GAB1: variants seen among roughly 807,000 people sequenced by gnomAD.
GAB1 encodes the protein GRB2-associated-binding protein 1.
Under a neutral mutation model 66.5 loss-of-function variants are expected in GAB1, and 19 were observed. That is an observed-to-expected ratio of 0.29 (90% CI 0.20 to 0.42). The LOEUF is 0.42. GAB1 is among the 10% of genes least tolerant of loss of function. The pLI, the probability that GAB1 is intolerant of heterozygous loss-of-function variation, is 1.00. For missense variants in GAB1, 732 were observed against 858.5 expected, an observed-to-expected ratio of 0.85 and a Z score of 1.84; for synonymous variants, 294 against 301.4, an observed-to-expected ratio of 0.98 and a Z score of 0.25.
In GAB1 at chr4:143,440,249, A is replaced by G. The variant is rs764752002; in HGVS notation, c.1452A>G (p.Ser484=). 11 of 1,613,958 alleles carry G rather than the reference A, an allele frequency of 6.8e-6. No individual in the cohort carries two copies. The highest frequency in any genetic ancestry group is 9.3e-6 in the Non-Finnish European group (11 of 1,180,004). Residue 484 remains serine, a synonymous_variant, in exon 6 of 10, where the codon TCA becomes TCG. Coordinates refer to ENST00000262994, the MANE Select transcript of GAB1 (RefSeq NM_002039.4). The stretch of plus-strand genomic sequence containing the variant: ...CTCCAGGAACATTTGATTTTTCCTC[A>G]TTTGGAATGCAAGTTCCTCCTCCTG... The part of the protein sequence containing the change: ...PMTPGTFDFS[S]FGMQVPPPAH...
chr4:143,463,866 C>T (rs1347541921), intron 8 of GAB1, among the ~76,000 whole-genome samples: 2 of 152,132 alleles, frequency 1.3e-5, no homozygotes, highest in Admixed American at 1.3e-4. Flanking sequence ...TAATAACAGA[C>T]ATAAAATAGG....
chr4:143,440,016 C>G (rs1227714594), intron 5 of GAB1, 63 bp from the exon 6 acceptor site: 12 of 1,487,030 alleles, frequency 8.1e-6, no homozygotes, highest in South Asian at 7.1e-5. Context: ...GTGTGACTTA[C>G]AATTGTGTTT....
chr4:143,438,308 G>A lies in GAB1; in HGVS notation c.903G>A (p.Arg301=), dbSNP rs745342056. ...CATCGAGTGTAGAGACTCAAATGAG[G>A]CATGTATCTATTAGTTATGACATTC... ...SGTSSVETQM[R]HVSISYDIPP... Residue 301 remains arginine (R), a synonymous_variant, in exon 4 of 10, where the codon AGG becomes AGA. Coordinates refer to ENST00000262994, the MANE Select transcript of GAB1 (RefSeq NM_002039.4). 9 of 1,613,788 alleles carry A rather than the reference G, an allele frequency of 5.6e-6. No homozygotes were observed. The highest frequency in any genetic ancestry group is 7.6e-6 in the Non-Finnish European group (9 of 1,179,842).
rs1348130281 is a variant in GAB1 at position 143,470,116 on chromosome 4, G to C, written c.*927G>C. 6.6e-6 allele frequency: 1 copy of C among 152,186 alleles called. No homozygotes were observed. The highest frequency in any genetic ancestry group is 1.5e-5 in the Non-Finnish European group (1 of 68,024). The allele number at this position is 152,186 out of a possible 1,614,324, so 9.4% of individuals were successfully genotyped here. ...TTTTCAGTTTGGAATTAATAAAGCA[G>C]TTGACATTCACTGTTAGTTACAGCA... On this transcript the variant is annotated 3_prime_UTR_variant, in exon 10 of 10. Coordinates refer to ENST00000262994, the MANE Select transcript of GAB1 (RefSeq NM_002039.4).
At chr4:143,424,907 A>T in intron 2 of GAB1, 1 of 525,072 alleles carries the variant, frequency 1.9e-6, no homozygotes, top group Non-Finnish European at 3.4e-6. Context: ...GTGAGCCAAG[A>T]TTGTTTCACT....
intron 8 of GAB1, among the ~76,000 whole-genome samples, chr4:143,464,774 C>T (rs1243894269): frequency 6.6e-6 from 1 of 152,190 alleles, no homozygotes; most frequent in African/African-American, 2.4e-5. Flanking sequence ...AGGTTCCATA[C>T]CAGCTATTAG....
intron 1 of GAB1, among the ~76,000 whole-genome samples, chr4:143,366,191 A>AT (rs1334689024): frequency 6.6e-6 from 1 of 152,144 alleles, no homozygotes; most frequent in East Asian, 1.9e-4. Flanking sequence ...TAATTCTGTG[A>AT]TTTTTATGCT....
intron 1 of GAB1, among the ~76,000 whole-genome samples, chr4:143,397,624 A>C (rs1280436878): frequency 6.6e-6 from 1 of 152,212 alleles, no homozygotes; most frequent in Non-Finnish European, 1.5e-5. Context: ...AATATAGTAA[A>C]TTTTAAGAAA....
chr4:143,361,521 TTATTAAGAA>T (rs1729661293), intron 1 of GAB1, among the ~76,000 whole-genome samples: 1 of 152,166 alleles, frequency 6.6e-6, no homozygotes, highest in Non-Finnish European at 1.5e-5. Context: ...TAAAAGGAGT[TTATTAAGAA>T]TATTAGGTAG....
At chr4:143,347,072 G>A (rs1435311784) in intron 1 of GAB1, among the ~76,000 whole-genome samples, 6 of 152,078 alleles carry the variant, frequency 3.9e-5, no homozygotes, top group Non-Finnish European at 8.8e-5. Flanking sequence ...CAGAGAAAAA[G>A]GTATATACAC....
At chr4:143,453,923 G>A (rs998711001) in intron 6 of GAB1, among the ~76,000 whole-genome samples, 1 of 152,138 alleles carries the variant, frequency 6.6e-6, no homozygotes, top group African/African-American at 2.4e-5. Context: ...AGAGTGTCTA[G>A]TACCTAAGAA....
chr4:143,433,454 C>A, intron 2 of GAB1, 37 bp from the exon 3 acceptor site: 1 of 1,489,414 alleles, frequency 6.7e-7, no homozygotes, highest in Non-Finnish European at 9.4e-7. Flanking sequence ...AATTGTTTAA[C>A]TGTGATAGAC....
rs558716152 is a variant in GAB1, at chr4:143,404,229, G to T, written c.73-11248G>T. On this transcript the variant is annotated intron_variant, in intron 1 of 9. Transcript: ENST00000262994. ...GGAATTTAGAATCAGTACATTTTTT[G>T]AAGATAAATTTTCATTGAAAAATTC... Among the ~76,000 whole-genome samples the T allele has an allele frequency of 1.8e-3, 272 of 152,280 alleles. 1 individual carries two copies. Among genetic ancestry groups the T allele is most frequent in the Non-Finnish European group, 3.3e-3 (226 of 67,998 alleles).
intron 6 of GAB1, among the ~76,000 whole-genome samples, chr4:143,449,236 T>C (rs1447648033): frequency 6.6e-6 from 1 of 151,300 alleles, no homozygotes; most frequent in African/African-American, 2.4e-5. Context: ...GGAATAGGTG[T>C]GGTGTGGTGC....
chr4:143,444,883 C>G (rs1466992665), intron 6 of GAB1, among the ~76,000 whole-genome samples: 2 of 152,092 alleles, frequency 1.3e-5, no homozygotes, highest in Non-Finnish European at 2.9e-5. Context: ...GCGTTTATTT[C>G]CTTAGGATAA....
intron 1 of GAB1, among the ~76,000 whole-genome samples, chr4:143,363,154 T>A (rs987950685): frequency 6.6e-6 from 1 of 152,186 alleles, no homozygotes; most frequent in Admixed American, 6.5e-5. Context: ...ATACCAGCAT[T>A]CCTCCTCATA....
intron 1 of GAB1, among the ~76,000 whole-genome samples, chr4:143,401,749 T>G (rs1731784446): frequency 1.3e-5 from 2 of 152,210 alleles, no homozygotes; most frequent in Non-Finnish European, 2.9e-5. Context: ...TTTTAAAAAC[T>G]AGCTACTTAA....
At chr4:143,421,698 C>CTT (rs70953733) in intron 2 of GAB1, among the ~76,000 whole-genome samples, 1,730 of 118,586 alleles carry the variant, frequency 0.015, 49 homozygotes, top group African/African-American at 0.048. Flanking sequence ...CTTTTCTTTT[C>CTT]TTTTTTTTTT....
In GAB1 at chr4:143,460,470, C is replaced by G; in HGVS notation, c.1786C>G (p.Leu596Val). The change falls in exon 8 of 10, where the codon CTG becomes GTG. Residue 596 changes from leucine to valine, a missense_variant. By Grantham distance (32) the Leu-to-Val change is conservative. Transcript: ENST00000262994. ...EENYVPMNPN[L>V]SSEDPNLFGS... ...GAATTATGTTCCCATGAACCCAAAC[C>G]TGTCCAGTGAAGACCCAGTATGTAA... 1 of 1,613,782 alleles carries G rather than the reference C, an allele frequency of 6.2e-7. No homozygotes were observed. The highest frequency in any genetic ancestry group is 8.5e-7 in the Non-Finnish European group (1 of 1,179,754).
Sources: allele counts gnomAD v4.1 joint callset (sites outside exome capture counted in the v4.1 genomes callset), GRCh38; gene constraint gnomAD v4.1.1; transcripts MANE v1.5; gene names NCBI Gene and HGNC (gene_info 2026-07-23, HGNC 2026-07-21).